NUBPL: variants seen among roughly 807,000 people sequenced by gnomAD.
NUBPL encodes iron-sulfur cluster transfer protein NUBPL.
In NUBPL, 31 loss-of-function variants were observed where a neutral mutation model predicts 45.7. The observed-to-expected ratio is 0.68, with a 90% confidence interval of 0.51 to 0.92. The LOEUF (loss-of-function observed/expected upper bound fraction) is 0.92, where lower values mean the gene tolerates loss of function less well. Among genes scored for constraint, NUBPL ranks in the 40% least tolerant of loss-of-function variants. The pLI, the probability that NUBPL is intolerant of heterozygous loss-of-function variation, is 0.00. For missense variants in NUBPL, 401 were observed against 398.7 expected (o/e 1.01, Z -0.05); for synonymous variants, 144 against 140.9 (o/e 1.02, Z -0.15).
chr14:31,839,252 A>G (rs1478077885), intron 8 of NUBPL, among the ~76,000 whole-genome samples: 1 of 152,174 alleles, frequency 6.6e-6, no homozygotes, highest in African/African-American at 2.4e-5. Flanking sequence ...ATTTTTACAA[A>G]GCAAACATAC....
At position 31,850,211 on chromosome 14, in the gene NUBPL, A is replaced by G. The variant is rs776778735; in HGVS notation, c.897+10A>G. 6.3e-7 allele frequency: 1 copy of G among 1,599,208 alleles called. No homozygotes were observed. The highest frequency in any genetic ancestry group is 1.7e-5 in the Admixed American group (1 of 59,994). ...GCCTGAAAGTGATGAGGTAAGTTCC[A>G]TTTTTGGATACATATTTTTATTTCT... is the stretch of plus-strand genomic sequence containing the variant. On this transcript the variant is annotated intron_variant, in intron 10 of 10. Transcript: ENST00000281081.
Position 31,753,317 on chromosome 14 carries a change from A to T in NUBPL, c.514-34463A>T, listed in dbSNP as rs113933613. 3.9e-4 allele frequency among the ~76,000 whole-genome samples: 60 copies of T among 152,150 alleles called. 1 individual carries two copies. The highest frequency in any genetic ancestry group is 1.3e-3 in the African/African-American group (53 of 41,520). ...CAGATCTGGGAGGTGTATGCAGCCT[A>T]TGGTGGCACTGTTGATCAAAGAAAT... On this transcript the variant is annotated intron_variant, in intron 6 of 10. Transcript: ENST00000281081.
chr14:31,805,943 G>T (rs549408612), intron 7 of NUBPL, among the ~76,000 whole-genome samples: 2 of 152,114 alleles, frequency 1.3e-5, no homozygotes. Context: ...TTTCCTTCAT[G>T]ATATGCCAGA....
At chr14:31,581,947 T>C (rs1200900011) in intron 3 of NUBPL, among the ~76,000 whole-genome samples, 1 of 152,250 alleles carries the variant, frequency 6.6e-6, no homozygotes. Flanking sequence ...TATAAAATTT[T>C]AAAAGTTGGC....
chr14:31,608,422 C>T (rs1307538989), intron 4 of NUBPL, among the ~76,000 whole-genome samples: 7 of 151,942 alleles, frequency 4.6e-5, no homozygotes, highest in South Asian at 2.1e-4. Flanking sequence ...GGCATGGTGG[C>T]GGGCGCCTGT....
intron 3 of NUBPL, among the ~76,000 whole-genome samples, chr14:31,579,221 G>C (rs558230713): frequency 1.6e-4 from 25 of 152,236 alleles, no homozygotes; most frequent in African/African-American, 5.8e-4. Context: ...GTTGTCCTTT[G>C]GGCTATTTGG....
intron 3 of NUBPL, among the ~76,000 whole-genome samples, chr14:31,577,091 A>C (rs1391493372): frequency 6.6e-6 from 1 of 152,136 alleles, no homozygotes; most frequent in Non-Finnish European, 1.5e-5. Context: ...ATTCAAGGGG[A>C]GGAGACAGAC....
intron 4 of NUBPL, among the ~76,000 whole-genome samples, chr14:31,671,882 G>A (rs2036578857): frequency 6.6e-6 from 1 of 152,088 alleles, no homozygotes; most frequent in South Asian, 2.1e-4. Flanking sequence ...CTTGACAAGA[G>A]GGGAAAAACC....
intron 4 of NUBPL, among the ~76,000 whole-genome samples, chr14:31,655,838 A>C (rs1399187934): frequency 6.6e-6 from 1 of 152,226 alleles, no homozygotes; most frequent in East Asian, 1.9e-4. Context: ...TGGTCAGTGA[A>C]TATTGGATTC....
intron 4 of NUBPL, among the ~76,000 whole-genome samples, chr14:31,602,672 A>T (rs1230735070): frequency 6.6e-6 from 1 of 152,142 alleles, no homozygotes; most frequent in Non-Finnish European, 1.5e-5. Context: ...TACTGTGAGG[A>T]TTAATATAAT....
intron 4 of NUBPL, among the ~76,000 whole-genome samples, chr14:31,618,204 G>T (rs1189666443): frequency 6.6e-6 from 1 of 151,992 alleles, no homozygotes; most frequent in African/African-American, 2.4e-5. Flanking sequence ...TATCTAGTTT[G>T]TTAATCTTTT....
chr14:31,858,514 T>C (rs1364682820), intron 10 of NUBPL, among the ~76,000 whole-genome samples: 1 of 152,224 alleles, frequency 6.6e-6, no homozygotes, highest in Non-Finnish European at 1.5e-5. Context: ...TGGCCCACTC[T>C]GTGGCTTAAG....
chr14:31,591,287 C>A (rs187762581), intron 3 of NUBPL, among the ~76,000 whole-genome samples: 1 of 152,102 alleles, frequency 6.6e-6, no homozygotes, highest in South Asian at 2.1e-4. Context: ...CTCAGCCTCC[C>A]AAGTAGCTAG....
At position 31,788,554 on chromosome 14, in the gene NUBPL, G is replaced by A. The variant is rs541727221; in HGVS notation, c.607+681G>A. ...CTTAATGGCATTGTTGCTCCTTACC[G>A]CCACCCCAGGAAGGTGGTAAAGTGG... On this transcript the variant is annotated intron_variant, in intron 7 of 10. Coordinates refer to ENST00000281081, the MANE Select transcript of NUBPL (RefSeq NM_025152.3). Among the ~76,000 whole-genome samples, 12 of 152,240 alleles carry A rather than the reference G, an allele frequency of 7.9e-5. No individual in the cohort carries two copies. The South Asian group carries it at 2.1e-3, about 26-fold the overall frequency.
chr14:31,652,760 A>G (rs868637983), intron 4 of NUBPL, among the ~76,000 whole-genome samples: 2 of 152,202 alleles, frequency 1.3e-5, no homozygotes, highest in Non-Finnish European at 2.9e-5. Flanking sequence ...ACCCTGTGAC[A>G]AGGCCAAATC....
At chr14:31,666,087 C>G (rs1318593697) in intron 4 of NUBPL, among the ~76,000 whole-genome samples, 1 of 150,420 alleles carries the variant, frequency 6.6e-6, no homozygotes, top group African/African-American at 2.4e-5. Flanking sequence ...GTAAATATTC[C>G]TCCATCCCTT....
intron 6 of NUBPL, chr14:31,703,137 G>C (rs1398883593): frequency 1.3e-5 from 2 of 152,182 alleles, no homozygotes; most frequent in Admixed American, 1.3e-4. Context: ...TTGTTAAAAA[G>C]CTTTAGAGCA....
At chr14:31,691,115 T>A (rs1371604989) in intron 6 of NUBPL, among the ~76,000 whole-genome samples, 1 of 152,118 alleles carries the variant, frequency 6.6e-6, no homozygotes, top group Non-Finnish European at 1.5e-5. Flanking sequence ...CTGAGCCCCC[T>A]AAGTACTTCT....
intron 3 of NUBPL, among the ~76,000 whole-genome samples, chr14:31,582,163 A>T (rs971465108): frequency 3.3e-5 from 5 of 152,158 alleles, no homozygotes; most frequent in African/African-American, 1.2e-4. Context: ...AAAGTCACAC[A>T]TATAAATTTT....
Sources: gnomAD v4.1 joint callset for allele counts (sites outside exome capture counted in the v4.1 genomes callset) on GRCh38, gnomAD v4.1.1 for gene constraint, MANE v1.5 for transcripts, NCBI Gene and HGNC (gene_info 2026-07-23, HGNC 2026-07-21) for gene names.